GABRB2: variants seen among roughly 807,000 people sequenced by gnomAD.
GABRB2 encodes the protein gamma-aminobutyric acid type A receptor subunit beta2, also known as gamma-aminobutyric acid receptor subunit beta-2.
Under a neutral mutation model 54.7 loss-of-function variants are expected in GABRB2, and 16 were observed. The ratio of observed to expected loss-of-function variants is 0.29; its 90% confidence interval spans 0.20 to 0.44. The LOEUF (loss-of-function observed/expected upper bound fraction) is 0.44, where lower values mean the gene tolerates loss of function less well. Among genes scored for constraint, GABRB2 ranks in the 20% least tolerant of loss-of-function variants. GABRB2 has a pLI of 1.00. For synonymous variants in GABRB2, 244 were observed against 233.8 expected (o/e 1.04, Z -0.40); for missense variants, 355 against 644.0 (o/e 0.55, Z 4.86).
chr5:161,290,720 G>A lies in GABRB2; in HGVS notation c.*3361C>T, dbSNP rs1757214992. ...GTTGCTTTGCCATTTTTCTTGTTGA[G>A]TATGAAGGTAATCATTAAACTGGAA... is the stretch of plus-strand genomic sequence containing the variant. On this transcript the variant is annotated 3_prime_UTR_variant, in exon 10 of 10. Transcript: ENST00000393959. The A allele has an allele frequency of 6.6e-6, 1 of 152,480 alleles. No individual in the cohort carries two copies. The highest frequency in any genetic ancestry group is 1.9e-4 in the East Asian group (1 of 5,200). 9.4% of individuals were successfully genotyped at this position (152,480 alleles called of 1,614,324 possible). A position where few individuals can be genotyped will look rare whatever the true frequency, so the allele number is the denominator to read the frequency against.
At chr5:161,405,524 T>C (rs1478707173) in intron 5 of GABRB2, among the ~76,000 whole-genome samples, 3 of 152,066 alleles carry the variant, frequency 2.0e-5, no homozygotes, top group South Asian at 2.1e-4. Flanking sequence ...GAGGAAACCA[T>C]AATAGACAAG....
chr5:161,391,658 G>A (rs1182553822), intron 5 of GABRB2, among the ~76,000 whole-genome samples: 2 of 152,084 alleles, frequency 1.3e-5, no homozygotes, highest in Non-Finnish European at 2.9e-5. Context: ...AACAAATTAA[G>A]AAATGTCTTT....
chr5:161,378,483 C>T (rs980631217), intron 5 of GABRB2, among the ~76,000 whole-genome samples: 12 of 152,172 alleles, frequency 7.9e-5, no homozygotes, highest in African/African-American at 2.6e-4. Flanking sequence ...ACATGTTTGG[C>T]TTCAGTTTAT....
At chr5:161,503,128 ATTG>A (rs1561674014) in intron 3 of GABRB2, among the ~76,000 whole-genome samples, 1 of 151,702 alleles carries the variant, frequency 6.6e-6, no homozygotes, top group Non-Finnish European at 1.5e-5. Flanking sequence ...GATTGTTGTT[ATTG>A]TTTTTTTTTT....
intron 3 of GABRB2, among the ~76,000 whole-genome samples, chr5:161,501,886 T>C (rs924885557): frequency 6.7e-6 from 1 of 149,212 alleles, no homozygotes; most frequent in Admixed American, 6.7e-5. Context: ...ATATAAAATA[T>C]CTTAATAAAC....
intron 9 of GABRB2, among the ~76,000 whole-genome samples, chr5:161,310,496 CTCTT>C (rs910826126): frequency 6.6e-6 from 1 of 152,200 alleles, no homozygotes; most frequent in African/African-American, 2.4e-5. Context: ...TTCTCTCTCT[CTCTT>C]TCTTCCCATG....
At chr5:161,321,954 A>G (rs958790852) in intron 9 of GABRB2, among the ~76,000 whole-genome samples, 5 of 152,158 alleles carry the variant, frequency 3.3e-5, no homozygotes, top group Non-Finnish European at 7.4e-5. Flanking sequence ...AAATTTTTCC[A>G]GGGAACAACC....
intron 5 of GABRB2, among the ~76,000 whole-genome samples, chr5:161,352,867 G>A (rs1754516321): frequency 6.6e-6 from 1 of 151,842 alleles, no homozygotes; most frequent in South Asian, 2.1e-4. Flanking sequence ...TAATAAACCT[G>A]TTATCTTGGA....
intron 5 of GABRB2, among the ~76,000 whole-genome samples, chr5:161,380,493 G>T (rs1179916610): frequency 6.6e-6 from 1 of 152,126 alleles, no homozygotes; most frequent in Non-Finnish European, 1.5e-5. Flanking sequence ...AATTGCATTT[G>T]CAGGTAACAA....
Position 161,336,681 on chromosome 5 carries a change from G to A in GABRB2, c.630C>T (p.Phe210=). 6.2e-7 allele frequency: 1 copy of A among 1,613,212 alleles called. No individual in the cohort carries two copies. The highest frequency in any genetic ancestry group is 8.5e-7 in the Non-Finnish European group (1 of 1,179,614). ...TGATAAGTTTGTAATCTACAATAGA[G>A]AACTGTGGAAGTTCAATTTTCGTTA... ...TGVTKIELPQ[F]SIVDYKLITK... The change falls in exon 6 of 10, where the codon TTC becomes TTT. Residue 210 remains phenylalanine (F), a synonymous_variant. Transcript: ENST00000393959.
At chr5:161,483,356 G>A (rs1282630638) in intron 3 of GABRB2, among the ~76,000 whole-genome samples, 1 of 151,868 alleles carries the variant, frequency 6.6e-6, no homozygotes, top group Non-Finnish European at 1.5e-5. Context: ...GATGAACAGA[G>A]AACAACACGT....
chr5:161,336,461 T>C (rs1753995952), intron 6 of GABRB2, among the ~76,000 whole-genome samples, 171 bp downstream of exon 6: 1 of 152,124 alleles, frequency 6.6e-6, no homozygotes, highest in South Asian at 2.1e-4. Flanking sequence ...TGGAAAATAA[T>C]AGTATGGGTC....
chr5:161,538,694 C>T (rs1462647749), intron 3 of GABRB2, among the ~76,000 whole-genome samples: 1 of 151,960 alleles, frequency 6.6e-6, no homozygotes, highest in South Asian at 2.1e-4. Context: ...CATGGTGGCA[C>T]GTGCCTGTAG....
intron 3 of GABRB2, among the ~76,000 whole-genome samples, chr5:161,534,946 T>A (rs963585435): frequency 1.1e-4 from 16 of 152,258 alleles, no homozygotes; most frequent in African/African-American, 3.6e-4. Context: ...GAAAAAGATG[T>A]AGAATATTCA....
intron 4 of GABRB2, among the ~76,000 whole-genome samples, chr5:161,442,394 G>A (rs1279009205): frequency 6.6e-6 from 1 of 152,130 alleles, no homozygotes; most frequent in African/African-American, 2.4e-5. Flanking sequence ...TGATGATGAG[G>A]TACCCACTCT....
chr5:161,463,564 T>TAGAG (rs1561659524), intron 3 of GABRB2, among the ~76,000 whole-genome samples: 17 of 87,508 alleles, frequency 1.9e-4, no homozygotes, highest in Non-Finnish European at 4.7e-4. Flanking sequence ...TTTATATATA[T>TAGAG]ATATATATAT....
chr5:161,405,939 T>C (rs1756337177), intron 5 of GABRB2, among the ~76,000 whole-genome samples: 1 of 152,048 alleles, frequency 6.6e-6, no homozygotes, highest in Non-Finnish European at 1.5e-5. Flanking sequence ...CTTTATATAA[T>C]GTACAAATTG....
chr5:161,521,894 T>C lies in GABRB2; in HGVS notation c.237+23333A>G, dbSNP rs4921192. On this transcript the variant is annotated intron_variant, in intron 3 of 9. Transcript: ENST00000393959. ...ATGGGCCATGTGTTCTGAATCTTTG[T>C]ATTTTATTTTACAATTTTTTAATAC... 8.0e-3 allele frequency among the ~76,000 whole-genome samples: 1,210 copies of C among 152,004 alleles called. 7 individuals carry two copies. Among genetic ancestry groups the C allele is most frequent in the Non-Finnish European group, 0.012 (838 of 67,794 alleles).
intron 5 of GABRB2, among the ~76,000 whole-genome samples, chr5:161,396,632 A>G (rs1387032374): frequency 1.3e-5 from 2 of 152,100 alleles, no homozygotes; most frequent in African/African-American, 4.8e-5. Context: ...TTGAGCCTGT[A>G]CTGTTCTTAT....
Sources: gnomAD v4.1 joint callset for allele counts (sites outside exome capture counted in the v4.1 genomes callset) on GRCh38, gnomAD v4.1.1 for gene constraint, MANE v1.5 for transcripts, NCBI Gene and HGNC (gene_info 2026-07-23, HGNC 2026-07-21) for gene names.